TENM4: variants seen among roughly 807,000 people sequenced by gnomAD.
The protein encoded by TENM4 is teneurin transmembrane protein 4.
A neutral mutation model predicts 243.3 loss-of-function variants in TENM4; 82 were observed. The observed-to-expected ratio is 0.34, with a 90% CI of 0.28 to 0.40. The LOEUF (loss-of-function observed/expected upper bound fraction) is 0.40, where lower values mean the gene tolerates loss of function less well. Among genes scored for constraint, TENM4 ranks in the 10% least tolerant of loss-of-function variants. The probability of loss-of-function intolerance (pLI) is 1.00; values close to 1 mark genes in which losing one functional copy is unlikely to be tolerated. For synonymous variants in TENM4, 1,412 were observed against 1,456.3 expected (o/e 0.97, Z 0.69); for missense variants, 3,138 against 3,673.3 (o/e 0.85, Z 3.77).
intron 1 of TENM4, among the ~76,000 whole-genome samples, chr11:79,417,623 A>G (rs953757211): frequency 6.6e-6 from 1 of 152,184 alleles, no homozygotes; most frequent in Middle Eastern, 3.2e-3. Flanking sequence ...GAAGAACACT[A>G]TGTATGTCTC....
chr11:78,733,855 G>A (rs988503159), intron 20 of TENM4, among the ~76,000 whole-genome samples: 3 of 152,148 alleles, frequency 2.0e-5, no homozygotes, highest in Non-Finnish European at 4.4e-5. Context: ...TAAGAAGAGG[G>A]CATAGCATGG....
intron 3 of TENM4, among the ~76,000 whole-genome samples, chr11:79,164,535 A>G (rs1004732743): frequency 7.0e-6 from 1 of 143,634 alleles, no homozygotes; most frequent in African/African-American, 2.6e-5. Flanking sequence ...TATACTATAT[A>G]GTACTATATA....
chr11:79,171,998 C>T (rs1863055558), intron 3 of TENM4, among the ~76,000 whole-genome samples: 1 of 152,176 alleles, frequency 6.6e-6, no homozygotes. Context: ...GTTACTTAGG[C>T]TGCAGTGCAG....
At chr11:79,211,322 G>A (rs765472562) in intron 3 of TENM4, among the ~76,000 whole-genome samples, 28 of 152,212 alleles carry the variant, frequency 1.8e-4, no homozygotes, top group Admixed American at 4.6e-4. Context: ...CCCACTTCCC[G>A]TCTTCTCTTT....
chr11:79,274,448 G>T (rs1565278653), intron 2 of TENM4, among the ~76,000 whole-genome samples: 1 of 152,250 alleles, frequency 6.6e-6, no homozygotes, highest in Non-Finnish European at 1.5e-5. Flanking sequence ...ATCTGAGGAA[G>T]TTTATACTTC....
chr11:79,034,141 A>C (rs1859314686), intron 6 of TENM4, among the ~76,000 whole-genome samples: 1 of 152,246 alleles, frequency 6.6e-6, no homozygotes, highest in Non-Finnish European at 1.5e-5. Context: ...TGCAAACTGC[A>C]GAGCGACATA....
chr11:78,796,608 C>T lies in TENM4; in HGVS notation c.2179+8684G>A, dbSNP rs117333543. ...CTGACAATAGAGTAGGTTTCTAAAA[C>T]CAAACCTGACCTTGTCACACCTCCG... On this transcript the variant is annotated intron_variant, in intron 15 of 33. Transcript: ENST00000278550. 7.5e-3 allele frequency among the ~76,000 whole-genome samples: 1,144 copies of T among 152,194 alleles called. 2 individuals carry two copies. Among genetic ancestry groups the T allele is most frequent in the Non-Finnish European group, 0.013 (904 of 68,000 alleles).
chr11:78,752,035 C>T (rs953267635), intron 19 of TENM4, among the ~76,000 whole-genome samples: 1 of 152,206 alleles, frequency 6.6e-6, no homozygotes. Flanking sequence ...GACAGTGGTT[C>T]CCATGCCTAC....
intron 1 of TENM4, among the ~76,000 whole-genome samples, chr11:79,298,134 T>C (rs1341828361): frequency 6.6e-6 from 1 of 152,114 alleles, no homozygotes; most frequent in Admixed American, 6.5e-5. Flanking sequence ...TTTCCAGGTG[T>C]GTGGTCAGGT....
intron 6 of TENM4, among the ~76,000 whole-genome samples, chr11:78,921,115 G>C (rs1856438785): frequency 6.6e-6 from 1 of 152,170 alleles, no homozygotes; most frequent in African/African-American, 2.4e-5. Flanking sequence ...CCAAGCACAG[G>C]GTCTTTCTAC....
chr11:78,689,289 G>C (rs1858760916), intron 28 of TENM4, among the ~76,000 whole-genome samples: 1 of 152,212 alleles, frequency 6.6e-6, no homozygotes, highest in Non-Finnish European at 1.5e-5. Flanking sequence ...TCCCTGGCAG[G>C]AGTGGGCTAT....
chr11:78,911,409 C>A (rs1856182387), intron 6 of TENM4, among the ~76,000 whole-genome samples: 1 of 152,232 alleles, frequency 6.6e-6, no homozygotes, highest in Non-Finnish European at 1.5e-5. Context: ...CTCCTAAGGA[C>A]TGCATCACCT....
intron 3 of TENM4, among the ~76,000 whole-genome samples, chr11:79,165,823 A>G (rs769630069): frequency 6.6e-6 from 1 of 152,136 alleles, no homozygotes; most frequent in Non-Finnish European, 1.5e-5. Flanking sequence ...GTATAAGGTG[A>G]GAGATGAGGA....
intron 1 of TENM4, among the ~76,000 whole-genome samples, chr11:79,325,593 T>A (rs1856960574): frequency 6.6e-6 from 1 of 152,226 alleles, no homozygotes; most frequent in African/African-American, 2.4e-5. Flanking sequence ...CGAGATTAAC[T>A]GTTAACTGAG....
chr11:78,793,273 C>G (rs1293624323), intron 15 of TENM4, among the ~76,000 whole-genome samples: 1 of 152,066 alleles, frequency 6.6e-6, no homozygotes, highest in East Asian at 1.9e-4. Flanking sequence ...GGTAGAAGGG[C>G]CCCCGCCCAA....
intron 15 of TENM4, among the ~76,000 whole-genome samples, chr11:78,801,744 C>T (rs1222015984): frequency 1.3e-5 from 2 of 152,158 alleles, no homozygotes; most frequent in Admixed American, 6.5e-5. Context: ...CCCAAGAACC[C>T]AGAACCAATG....
At chr11:78,866,308 A>T (rs965359322) in intron 9 of TENM4, among the ~76,000 whole-genome samples, 4 of 152,240 alleles carry the variant, frequency 2.6e-5, no homozygotes, top group African/African-American at 9.6e-5. Flanking sequence ...CAATTATCTC[A>T]TCTAAGTGTG....
chr11:79,042,651 G>T (rs1300674881), intron 6 of TENM4, among the ~76,000 whole-genome samples: 4 of 152,186 alleles, frequency 2.6e-5, no homozygotes, highest in African/African-American at 9.7e-5. Flanking sequence ...AGGATATTTT[G>T]TTATAGCAGC....
chr11:79,350,887 C>T (rs1857403449), intron 1 of TENM4, among the ~76,000 whole-genome samples: 1 of 152,132 alleles, frequency 6.6e-6, no homozygotes, highest in Non-Finnish European at 1.5e-5. Context: ...CCTCCAATTA[C>T]CCTCTATGCT....
Sources: allele counts gnomAD v4.1 joint callset (sites outside exome capture counted in the v4.1 genomes callset), GRCh38; gene constraint gnomAD v4.1.1; transcripts MANE v1.5; gene names NCBI Gene and HGNC (gene_info 2026-07-23, HGNC 2026-07-21).